The following UQCC1 variants were observed in gnomAD, a reference collection of about 807,000 sequenced individuals.
UQCC1 encodes the protein bFGF-repressed Zic-binding protein.
Under a neutral mutation model 48.0 loss-of-function variants are expected in UQCC1, and 38 were observed. The observed-to-expected ratio is 0.79, with a 90% CI of 0.61 to 1.04. The LOEUF is 1.04. Among genes scored for constraint, UQCC1 ranks in the 50% least tolerant of loss-of-function variants. The probability of loss-of-function intolerance (pLI) is 0.00; values close to 1 mark genes in which losing one functional copy is unlikely to be tolerated. For synonymous variants in UQCC1, 111 were observed against 129.2 expected (o/e 0.86, Z 0.95); for missense variants, 368 against 381.8 (o/e 0.96, Z 0.30).
chr20:35,365,051 G>A (rs762708984), intron 6 of UQCC1, among the ~76,000 whole-genome samples: 2 of 152,144 alleles, frequency 1.3e-5, no homozygotes, highest in East Asian at 3.9e-4. Flanking sequence ...TTCCCTGAAC[G>A]CTATGCCTTA....
chr20:35,348,692 C>T (rs2061457683), intron 6 of UQCC1, among the ~76,000 whole-genome samples: 1 of 152,178 alleles, frequency 6.6e-6, no homozygotes, highest in South Asian at 2.1e-4. Flanking sequence ...CTCATTCTGT[C>T]ACCCAGGCCG....
chr20:35,387,014 CGCCTGTAATCCCAACACTTTGGGAG>C (rs2061951996), intron 2 of UQCC1, among the ~76,000 whole-genome samples: 1 of 151,932 alleles, frequency 6.6e-6, no homozygotes, highest in African/African-American at 2.4e-5. Context: ...TGGTGGCTGA[CGCCTGTAATCCCAACACTTTGGGAG>C]GCCGAGGCGG....
chr20:35,323,833 G>A (rs778174159), intron 7 of UQCC1, among the ~76,000 whole-genome samples: 30 of 152,108 alleles, frequency 2.0e-4, no homozygotes, highest in Non-Finnish European at 2.5e-4. Context: ...CCATTTCCAC[G>A]AGTTGGCAGG....
At chr20:35,395,929 A>ACTT (rs948275175) in intron 1 of UQCC1, among the ~76,000 whole-genome samples, 4 of 150,422 alleles carry the variant, frequency 2.7e-5, no homozygotes, top group African/African-American at 9.8e-5. Flanking sequence ...AAATAAGCAG[A>ACTT]CTTCTGGCAT....
At chr20:35,369,980 G>T (rs1376493292) in intron 5 of UQCC1, among the ~76,000 whole-genome samples, 3 of 152,142 alleles carry the variant, frequency 2.0e-5, no homozygotes, top group Non-Finnish European at 4.4e-5. Flanking sequence ...GAGCTCTACT[G>T]ATTGACCACC....
rs1555820305 is a variant in UQCC1, at chr20:35,410,716, A to AAAAAAAAAC, written c.24+1215_24+1223dup. On this transcript the variant is annotated intron_variant, in intron 1 of 9. Transcript: ENST00000374385. ...CAAGACTCTGCCTCAAAAAAAAAAA[A>AAAAAAAAAC]AAAAAAAACAAAACCCTAAAGGGTG... Among the ~76,000 whole-genome samples, 61 of 108,730 alleles carry AAAAAAAAAC rather than the reference A, an allele frequency of 5.6e-4. 1 individual carries two copies. The highest frequency in any genetic ancestry group is 2.1e-3 in the East Asian group (7 of 3,324). 71.3% of individuals were successfully genotyped at this position (108,730 alleles called of 152,430 possible). A position where few individuals can be genotyped will look rare whatever the true frequency, so the allele number is the denominator to read the frequency against.
At chr20:35,385,860 TA>T (rs1315122968) in intron 2 of UQCC1, among the ~76,000 whole-genome samples, 1 of 150,192 alleles carries the variant, frequency 6.7e-6, no homozygotes, top group Non-Finnish European at 1.5e-5. Flanking sequence ...TTTTTTTTTT[TA>T]ACAGCAGTTT....
At chr20:35,368,303 T>C (rs1318366862) in intron 5 of UQCC1, among the ~76,000 whole-genome samples, 1 of 152,178 alleles carries the variant, frequency 6.6e-6, no homozygotes, top group African/African-American at 2.4e-5. Flanking sequence ...TGCCAGATGT[T>C]CTACTGGGTT....
chr20:35,335,505 C>T (rs991454271), intron 7 of UQCC1, among the ~76,000 whole-genome samples: 12 of 152,078 alleles, frequency 7.9e-5, no homozygotes, highest in Non-Finnish European at 1.2e-4. Flanking sequence ...GAATGAAGTA[C>T]TGAAAATATG....
At chr20:35,410,710 A>G (rs1601052794) in intron 1 of UQCC1, among the ~76,000 whole-genome samples, 2 of 116,846 alleles carry the variant, frequency 1.7e-5, no homozygotes. Flanking sequence ...GCCTCAAAAA[A>G]AAAAAAAAAA....
chr20:35,321,275 TGTGTGTGTGCGCGCGCGCGC>T (rs2061123568), intron 7 of UQCC1, among the ~76,000 whole-genome samples: 1 of 145,698 alleles, frequency 6.9e-6, no homozygotes, highest in Non-Finnish European at 1.5e-5. Context: ...TGTGTGTGTG[TGTGTGTGTGCGCGCGCGCGC>T]GCGCACGCTC....
chr20:35,310,182 G>A (rs778413997), intron 8 of UQCC1, among the ~76,000 whole-genome samples: 4 of 152,156 alleles, frequency 2.6e-5, no homozygotes, highest in South Asian at 2.1e-4. Flanking sequence ...GAGCCAGACC[G>A]TGTTTGTTTT....
chr20:35,366,483 T>C, intron 6 of UQCC1, 74 bp downstream of exon 6: 1 of 1,348,090 alleles, frequency 7.4e-7, no homozygotes, highest in Non-Finnish European at 1.0e-6. Context: ...TCAGCCCTCC[T>C]GAAGGCTATA....
chr20:35,348,419 T>C (rs933589634), intron 6 of UQCC1, among the ~76,000 whole-genome samples: 10 of 152,118 alleles, frequency 6.6e-5, no homozygotes, highest in Non-Finnish European at 1.5e-4. Context: ...AGACGGAGTC[T>C]CGCTCTGTCA....
At chr20:35,410,755 TAAAA>T (rs57478774) in intron 1 of UQCC1, among the ~76,000 whole-genome samples, 1 of 40,500 alleles carries the variant, frequency 2.5e-5, no homozygotes, top group Non-Finnish European at 4.9e-5. Flanking sequence ...GGGGAAGGAT[TAAAA>T]AAAAAAAAAA....
chr20:35,389,521 C>T (rs2061988359), intron 2 of UQCC1, among the ~76,000 whole-genome samples: 1 of 151,860 alleles, frequency 6.6e-6, no homozygotes, highest in Non-Finnish European at 1.5e-5. Context: ...CAAGATCTCG[C>T]CACTGCACTC....
At chr20:35,390,253 C>T (rs1449456041) in intron 2 of UQCC1, among the ~76,000 whole-genome samples, 1 of 151,846 alleles carries the variant, frequency 6.6e-6, no homozygotes, top group Non-Finnish European at 1.5e-5. Flanking sequence ...AGTGAAACCC[C>T]GTCTCTACTA....
At chr20:35,338,760 G>A (rs1446370859) in intron 7 of UQCC1, among the ~76,000 whole-genome samples, 3 of 143,244 alleles carry the variant, frequency 2.1e-5, no homozygotes, top group East Asian at 4.2e-4. Flanking sequence ...CAGAAGAATC[G>A]CTTGAACCCG....
At chr20:35,400,270 T>A (rs970109169) in intron 1 of UQCC1, among the ~76,000 whole-genome samples, 5 of 152,138 alleles carry the variant, frequency 3.3e-5, no homozygotes, top group Admixed American at 1.3e-4. Flanking sequence ...ACTTCATCTA[T>A]AAATATAAAT....
Sources: allele counts gnomAD v4.1 joint callset (sites outside exome capture counted in the v4.1 genomes callset), GRCh38; gene constraint gnomAD v4.1.1; transcripts MANE v1.5; gene names NCBI Gene and HGNC (gene_info 2026-07-23, HGNC 2026-07-21).